OPA1: variants seen among roughly 807,000 people sequenced by gnomAD.
OPA1 encodes the protein dynamin-like GTPase OPA1, mitochondrial.
In OPA1, 59 loss-of-function variants were observed where a neutral mutation model predicts 152.9. The ratio of observed to expected loss-of-function variants is 0.39; its 90% confidence interval spans 0.31 to 0.48. OPA1 has a LOEUF of 0.48. Ranked by LOEUF, OPA1 falls within the 20% of genes least tolerant of loss-of-function variation. OPA1 has a pLI of 0.96. For synonymous variants in OPA1, 400 were observed against 389.9 expected, an observed-to-expected ratio of 1.03 and a Z score of -0.31; for missense variants, 1,008 against 1,216.8, an observed-to-expected ratio of 0.83 and a Z score of 2.55.
intron 29 of OPA1, among the ~76,000 whole-genome samples, chr3:193,686,122 A>C (rs954604988): frequency 2.6e-5 from 4 of 152,246 alleles, no homozygotes; most frequent in Non-Finnish European, 4.4e-5. Context: ...TGTCTACAAC[A>C]GTGCAGTTAC....
intron 11 of OPA1, among the ~76,000 whole-genome samples, chr3:193,639,726 T>G (rs1445219239): frequency 6.6e-6 from 1 of 152,262 alleles, no homozygotes; most frequent in Non-Finnish European, 1.5e-5. Flanking sequence ...AAGTGCCTTT[T>G]AAAAGGCTGC....
In OPA1 at chr3:193,642,864, A is replaced by AG. The variant is rs776036123; in HGVS notation, c.1230+21dup. On this transcript the variant is annotated intron_variant, in intron 12 of 30. Transcript: ENST00000361510. Reference sequence around the variant, plus strand: ...AGAAGATGTAAGTAAAATTCATCTAAGGTTGATATGTGTAATTTTATAACC... The same window carrying AG: ...AGAAGATGTAAGTAAAATTCATCTAAGGGTTGATATGTGTAATTTTATAACC... 6.3e-7 allele frequency: 1 copy of AG among 1,581,402 alleles called. No homozygotes were observed. The highest frequency in any genetic ancestry group is 8.7e-7 in the Non-Finnish European group (1 of 1,150,298).
chr3:193,643,687 T>C lies in OPA1; in HGVS notation c.1477+60T>C, dbSNP rs561500545. The C allele has an allele frequency of 3.1e-5, 44 of 1,417,694 alleles. No individual in the cohort carries two copies. The Admixed American group carries it at 3.8e-4, about 12-fold the overall frequency. 87.8% of individuals were successfully genotyped at this position (1,417,694 alleles called of 1,614,324 possible). A position where few individuals can be genotyped will look rare whatever the true frequency, so the allele number is the denominator to read the frequency against. ...TGTTTTCTTCTTTAGCAATCCAAGC[T>C]TTGCATTAAATAGTTTGTGTTATGT... On this transcript the variant is annotated intron_variant, in intron 15 of 30. Transcript: ENST00000361510.
chr3:193,621,910 T>C (rs1054384876), intron 6 of OPA1, among the ~76,000 whole-genome samples: 1 of 152,210 alleles, frequency 6.6e-6, no homozygotes. Flanking sequence ...TCATCATATA[T>C]ACCGGTGACA....
chr3:193,678,921 CTT>C (rs1187568299), intron 29 of OPA1, among the ~76,000 whole-genome samples: 1 of 152,152 alleles, frequency 6.6e-6, no homozygotes, highest in African/African-American at 2.4e-5. Context: ...AAGGTTAGCT[CTT>C]TGAGTCTCAC....
At chr3:193,658,758 G>A in intron 23 of OPA1, 129 bp from the exon 24 acceptor site, 1 of 683,130 alleles carries the variant, frequency 1.5e-6, no homozygotes, top group African/African-American at 1.8e-5. Context: ...TTTATAGGAA[G>A]GATATATTTT....
At chr3:193,637,484 AAATAT>A (rs1410348192) in intron 10 of OPA1, among the ~76,000 whole-genome samples, 7 of 152,048 alleles carry the variant, frequency 4.6e-5, no homozygotes, top group East Asian at 3.9e-4. Context: ...AAATATTAAT[AAATAT>A]AAGTACATTA....
At chr3:193,650,887 A>G (rs1712248854) in intron 21 of OPA1, among the ~76,000 whole-genome samples, 1 of 152,136 alleles carries the variant, frequency 6.6e-6, no homozygotes, top group Non-Finnish European at 1.5e-5. Context: ...ACAGAAATAC[A>G]TTTTTTCTAA....
At chr3:193,657,968 GGGCGTGGT>G (rs1272846306) in intron 23 of OPA1, among the ~76,000 whole-genome samples, 18 of 152,118 alleles carry the variant, frequency 1.2e-4, no homozygotes, top group African/African-American at 4.3e-4. Flanking sequence ...CTTTATGGCC[GGGCGTGGT>G]GGCTCACACC....
rs774968865 is a variant in OPA1 at position 193,615,671 on chromosome 3, T to C, written c.352-3T>C. On this transcript the variant is annotated splice_region_variant and splice_polypyrimidine_tract_variant and intron_variant, in intron 2 of 30. Coordinates refer to ENST00000361510, the MANE Select transcript of OPA1 (RefSeq NM_130837.3). ...CTGATTGACACACTTTCTTGTCTTT[T>C]AGACTTTTGATCAGTGGAAAGATAT... 5 of 1,569,022 alleles carry C rather than the reference T, an allele frequency of 3.2e-6. No individual in the cohort carries two copies. Among genetic ancestry groups the C allele is most frequent in the East Asian group, 2.2e-5 (1 of 44,608 alleles).
intron 29 of OPA1, chr3:193,668,165 G>A (rs893863708): frequency 1.6e-6 from 1 of 606,562 alleles, no homozygotes; most frequent in Admixed American, 2.9e-5. Context: ...AGCATTACAA[G>A]GTTTGTTCTA....
intron 1 of OPA1, among the ~76,000 whole-genome samples, chr3:193,606,513 G>A (rs966176085): frequency 4.0e-5 from 6 of 150,882 alleles, no homozygotes; most frequent in South Asian, 2.1e-4. Context: ...GAGAACATGC[G>A]GTGTTTGGTT....
rs774210714 is a variant in OPA1 at position 193,666,284 on chromosome 3, T to C, written c.2779-12T>C. 41 of 1,609,332 alleles carry C rather than the reference T, an allele frequency of 2.5e-5. No homozygotes were observed. The highest frequency in any genetic ancestry group is 3.3e-5 in the Non-Finnish European group (39 of 1,175,740). On this transcript the variant is annotated splice_polypyrimidine_tract_variant and intron_variant, in intron 27 of 30. Coordinates refer to ENST00000361510, the MANE Select transcript of OPA1 (RefSeq NM_130837.3). ...CTTTGCATCTGGTAATCTTAGTTACTTAATATTTCAGTTGGAATGCAATGA... is the reference window on the plus strand; with the variant it reads ...CTTTGCATCTGGTAATCTTAGTTACCTAATATTTCAGTTGGAATGCAATGA...
chr3:193,635,334 A>T, intron 8 of OPA1, 84 bp from the exon 9 acceptor site: 1 of 821,058 alleles, frequency 1.2e-6, no homozygotes, highest in Admixed American at 2.0e-5. Flanking sequence ...TGACTTCAAG[A>T]TTTTGGAAGA....
Position 193,635,474 on chromosome 3 carries a change from A to T in OPA1, c.900A>T (p.Lys300Asn). The T allele has an allele frequency of 6.2e-7, 1 of 1,609,692 alleles. No individual in the cohort carries two copies. The change falls in exon 9 of 31, where the codon AAA becomes AAT. Residue 300 changes from lysine to asparagine, a missense_variant. Physicochemically the swap from Lys to Asn is moderately conservative, Grantham distance 94. This residue lies in a region of OPA1 where 408 missense variants were observed against 395.1 expected (regional missense o/e 1.03). Transcript: ENST00000361510. ...RLEKENKELR[K>N]LVLQKDDKGI... ...AAAAGGAGAACAAAGAATTGAGAAAATTAGTATTGCAGAAAGATGACAAAG... is the reference window on the plus strand; with the variant it reads ...AAAAGGAGAACAAAGAATTGAGAAATTTAGTATTGCAGAAAGATGACAAAG...
At chr3:193,690,576 C>G (rs932119812) in intron 29 of OPA1, among the ~76,000 whole-genome samples, 4 of 152,056 alleles carry the variant, frequency 2.6e-5, no homozygotes, top group Admixed American at 2.0e-4. Context: ...TATATCCAAC[C>G]GTGGTAGGCT....
In OPA1 at chr3:193,643,030, G is replaced by T. The variant is rs146003075; in HGVS notation, c.1286G>T (p.Gly429Val). 1 of 1,613,438 alleles carries T rather than the reference G, an allele frequency of 6.2e-7. No individual in the cohort carries two copies. ...CGAATGAGGAAAAATGTGAAAGAAG[G>T]CTGTACCGTTAGCCCTGAGGTAAGG... ...ELRMRKNVKEGCTVSPETISL... is the reference protein window; with the variant it reads ...ELRMRKNVKEVCTVSPETISL... The change falls in exon 13 of 31, where the codon GGC (glycine) becomes GTC (valine). Residue 429 changes from glycine to valine, a missense_variant. Physicochemically the swap from Gly to Val is moderately radical, Grantham distance 109 (BLOSUM62 -3). Coordinates refer to ENST00000361510, the MANE Select transcript of OPA1 (RefSeq NM_130837.3).
At chr3:193,632,113 T>G (rs1267747842) in intron 8 of OPA1, among the ~76,000 whole-genome samples, 1 of 152,230 alleles carries the variant, frequency 6.6e-6, no homozygotes, top group Non-Finnish European at 1.5e-5. Flanking sequence ...TATTTTCTTA[T>G]AGTTGGTGAT....
chr3:193,641,855 C>T (rs1412180804), intron 11 of OPA1, among the ~76,000 whole-genome samples: 1 of 152,206 alleles, frequency 6.6e-6, no homozygotes, highest in Non-Finnish European at 1.5e-5. Flanking sequence ...TGGCTCATGC[C>T]TGTAATCCCA....
Sources: gnomAD v4.1 joint callset for allele counts (sites outside exome capture counted in the v4.1 genomes callset) on GRCh38, gnomAD v4.1.1 for gene constraint, gnomAD v4.1.1 regional missense constraint, MANE v1.5 for transcripts, NCBI Gene and HGNC (gene_info 2026-07-23, HGNC 2026-07-21) for gene names.